Variants in XPR1 observed in about 807,000 individuals in gnomAD.
XPR1 encodes xenotropic and polytropic retrovirus receptor 1, also known as solute carrier family 53 member 1.
In XPR1, 28 loss-of-function variants were observed where a neutral mutation model predicts 87.5. The ratio of observed to expected loss-of-function variants is 0.32; its 90% CI spans 0.24 to 0.44. The LOEUF is 0.44. Among genes scored for constraint, XPR1 ranks in the 20% least tolerant of loss-of-function variants. The pLI, the probability that XPR1 is intolerant of heterozygous loss-of-function variation, is 1.00. For synonymous variants in XPR1, 300 were observed against 306.1 expected (o/e 0.98, Z 0.21); for missense variants, 559 against 862.3 (o/e 0.65, Z 4.41).
chr1:180,769,069 G>GT lies in XPR1; in HGVS notation c.122-18675dup, dbSNP rs151266690. Among the ~76,000 whole-genome samples the GT allele has an allele frequency of 3.3e-3, 497 of 150,906 alleles. 3 individuals carry two copies. The highest frequency in any genetic ancestry group is 0.011 in the African/African-American group (467 of 41,154). ...CTGCAGCAAAAAAAAATCTATATCT[G>GT]TTTTTTTTTAACTCAATATTTTTTC... On this transcript the variant is annotated intron_variant, in intron 2 of 14. Coordinates refer to ENST00000367590, the MANE Select transcript of XPR1 (RefSeq NM_004736.4).
intron 1 of XPR1, 27 bp downstream of exon 1, chr1:180,632,297 G>GT: frequency 6.2e-7 from 1 of 1,602,994 alleles, no homozygotes; most frequent in Non-Finnish European, 8.5e-7. Context: ...GGTGTGGGAG[G>GT]ACTCGGAGGG....
intron 2 of XPR1, among the ~76,000 whole-genome samples, chr1:180,695,259 GTTGT>G (rs1657123161): frequency 6.6e-6 from 1 of 152,092 alleles, no homozygotes; most frequent in Non-Finnish European, 1.5e-5. Flanking sequence ...TCATTATTGA[GTTGT>G]TTGAGTTCCT....
At chr1:180,760,696 A>T (rs1200519153) in intron 2 of XPR1, among the ~76,000 whole-genome samples, 1 of 152,202 alleles carries the variant, frequency 6.6e-6, no homozygotes, top group Non-Finnish European at 1.5e-5. Flanking sequence ...TGCCCAAGGT[A>T]ATTTATAGAT....
chr1:180,784,998 CGTGTGTGTGTGTTTGT>C (rs1649081467), intron 2 of XPR1, among the ~76,000 whole-genome samples: 1 of 55,266 alleles, frequency 1.8e-5, no homozygotes, highest in African/African-American at 5.1e-5. Context: ...TAGTTTTTTT[CGTGTGTGTGTGTTTGT>C]GTGTGTGTGT....
chr1:180,864,696 CAA>C (rs1197842543), intron 12 of XPR1, among the ~76,000 whole-genome samples: 2 of 151,956 alleles, frequency 1.3e-5, no homozygotes, highest in Admixed American at 6.6e-5. Context: ...AATAAAAAGA[CAA>C]GAGGGGCTGA....
At chr1:180,846,722 C>T (rs973325493) in intron 11 of XPR1, among the ~76,000 whole-genome samples, 22 of 152,082 alleles carry the variant, frequency 1.4e-4, no homozygotes, top group African/African-American at 4.8e-4. Flanking sequence ...GTTGGGATTA[C>T]AGGTGTGAGC....
At chr1:180,744,218 G>T (rs536654586) in intron 2 of XPR1, among the ~76,000 whole-genome samples, 152 of 152,242 alleles carry the variant, frequency 1.0e-3, no homozygotes, top group Non-Finnish European at 1.9e-3. Context: ...GTCTTCAGGT[G>T]TACTCACTCT....
chr1:180,647,226 T>C (rs1571674897), intron 1 of XPR1, among the ~76,000 whole-genome samples: 1 of 152,352 alleles, frequency 6.6e-6, no homozygotes, highest in Non-Finnish European at 1.5e-5. Flanking sequence ...GGGGAGCCGC[T>C]GTAAATATGG....
chr1:180,872,474 G>A (rs1164637355), intron 12 of XPR1, among the ~76,000 whole-genome samples: 1 of 27,790 alleles, frequency 3.6e-5, no homozygotes, highest in African/African-American at 1.6e-4. Context: ...GCGAGATTCC[G>A]TGGGCGTAGG....
intron 1 of XPR1, among the ~76,000 whole-genome samples, chr1:180,637,198 C>T (rs185578863): frequency 2.0e-5 from 3 of 152,260 alleles, no homozygotes; most frequent in East Asian, 3.9e-4. Context: ...AGGTCATGCA[C>T]AGGTATACTG....
chr1:180,858,440 A>G (rs1007006766), intron 11 of XPR1, among the ~76,000 whole-genome samples: 5 of 152,180 alleles, frequency 3.3e-5, no homozygotes, highest in East Asian at 1.9e-4. Flanking sequence ...TTCCCACACT[A>G]TGTTAGAAAT....
intron 11 of XPR1, among the ~76,000 whole-genome samples, chr1:180,841,511 A>G (rs945283865): frequency 1.3e-5 from 2 of 152,172 alleles, no homozygotes; most frequent in Non-Finnish European, 2.9e-5. Context: ...TGCTACGTAA[A>G]GGGAATTTAT....
At chr1:180,732,279 G>T (rs970312194) in intron 2 of XPR1, among the ~76,000 whole-genome samples, 13 of 151,226 alleles carry the variant, frequency 8.6e-5, no homozygotes, top group African/African-American at 2.9e-4. Flanking sequence ...TAACTTTCTG[G>T]GTCTTGATGA....
intron 2 of XPR1, among the ~76,000 whole-genome samples, chr1:180,711,786 A>C (rs946968271): frequency 6.6e-6 from 1 of 152,206 alleles, no homozygotes; most frequent in Admixed American, 6.5e-5. Context: ...GCCTAATTCA[A>C]GGTCACAAAG....
At chr1:180,844,546 G>T (rs1359485914) in intron 11 of XPR1, among the ~76,000 whole-genome samples, 1 of 152,210 alleles carries the variant, frequency 6.6e-6, no homozygotes, top group African/African-American at 2.4e-5. Context: ...ATATAATACA[G>T]TAAGTGTACT....
At chr1:180,659,111 C>T (rs1326136853) in intron 1 of XPR1, among the ~76,000 whole-genome samples, 2 of 120,324 alleles carry the variant, frequency 1.7e-5, no homozygotes, top group South Asian at 3.0e-4. Flanking sequence ...TCCCTCCCTT[C>T]CTCCCTCCCT....
At chr1:180,734,708 A>G (rs1199861570) in intron 2 of XPR1, among the ~76,000 whole-genome samples, 1 of 152,134 alleles carries the variant, frequency 6.6e-6, no homozygotes, top group Non-Finnish European at 1.5e-5. Flanking sequence ...TGGCTAGAGA[A>G]CAAGATTTTG....
At chr1:180,835,152 ATAT>A in intron 10 of XPR1, 107 bp downstream of exon 10, 1 of 1,218,716 alleles carries the variant, frequency 8.2e-7, no homozygotes, top group Non-Finnish European at 1.1e-6. Context: ...TTACCCAATA[ATAT>A]TATAAACTTA....
At chr1:180,878,710 AAATC>A (rs1652741636) in intron 13 of XPR1, among the ~76,000 whole-genome samples, 1 of 152,180 alleles carries the variant, frequency 6.6e-6, no homozygotes, top group Admixed American at 6.5e-5. Context: ...CCATTTTGCT[AAATC>A]CCCTTGTCAG....
Sources: allele counts gnomAD v4.1 joint callset (sites outside exome capture counted in the v4.1 genomes callset), GRCh38; gene constraint gnomAD v4.1.1; transcripts MANE v1.5; gene names NCBI Gene and HGNC (gene_info 2026-07-23, HGNC 2026-07-21).